PVT1: variants seen among roughly 807,000 people sequenced by gnomAD.
PVT1 encodes Pvt1 oncogene.
chr8:127,990,731 C>T (rs1252669274), intron 4 of PVT1, among the ~76,000 whole-genome samples: 1 of 152,224 alleles, frequency 6.6e-6, no homozygotes, highest in African/African-American at 2.4e-5. Flanking sequence ...ATTTGCGTTT[C>T]AAATCTGCTG....
At chr8:127,878,189 A>G (rs973834814) in intron 2 of PVT1, among the ~76,000 whole-genome samples, 2 of 152,170 alleles carry the variant, frequency 1.3e-5, no homozygotes, top group African/African-American at 4.8e-5. Context: ...ATTGAAAAAA[A>G]AAACCCCACA....
intron 3 of PVT1, among the ~76,000 whole-genome samples, chr8:127,944,031 T>G (rs966655099): frequency 6.6e-6 from 1 of 152,214 alleles, no homozygotes; most frequent in Non-Finnish European, 1.5e-5. Flanking sequence ...ATAGGGGTTA[T>G]ATTTATGAAT....
intron 4 of PVT1, among the ~76,000 whole-genome samples, chr8:128,045,272 C>G (rs1017134881): frequency 6.6e-6 from 1 of 152,110 alleles, no homozygotes; most frequent in African/African-American, 2.4e-5. Flanking sequence ...CTCCTTGACT[C>G]CTCCCTTCTC....
chr8:128,008,790 T>G, intron 4 of PVT1: 1 of 386,158 alleles, frequency 2.6e-6, no homozygotes, highest in Non-Finnish European at 5.7e-6. Context: ...TTCTGCCCAC[T>G]CAGCTGATGA....
intron 2 of PVT1, among the ~76,000 whole-genome samples, chr8:127,839,295 C>G (rs561355942): frequency 3.9e-5 from 6 of 152,098 alleles, no homozygotes; most frequent in South Asian, 4.2e-4. Context: ...GCCTGTAATT[C>G]CAGCACTTTG....
chr8:127,859,861 C>T (rs780206360), intron 2 of PVT1, among the ~76,000 whole-genome samples: 1 of 151,778 alleles, frequency 6.6e-6, no homozygotes, highest in African/African-American at 2.4e-5. Context: ...GGCCCTTGGC[C>T]GTCATTTGTT....
At chr8:128,097,364 A>G (rs932064418) in intron 6 of PVT1, among the ~76,000 whole-genome samples, 1 of 152,114 alleles carries the variant, frequency 6.6e-6, no homozygotes, top group Non-Finnish European at 1.5e-5. Context: ...TACTTCTCAA[A>G]ACAAACAAAC....
chr8:127,961,549 GTAAGTGAGGGCTGTGCC>G (rs1236268916), intron 3 of PVT1, among the ~76,000 whole-genome samples: 1 of 152,188 alleles, frequency 6.6e-6, no homozygotes, highest in Non-Finnish European at 1.5e-5. Flanking sequence ...AGCATCTAAG[GTAAGTGAGGGCTGTGCC>G]CAAGACTGCA....
At chr8:127,885,562 T>C (rs966328793) in intron 2 of PVT1, among the ~76,000 whole-genome samples, 8 of 152,168 alleles carry the variant, frequency 5.3e-5, no homozygotes, top group African/African-American at 1.9e-4. Context: ...ATAAGGGCAC[T>C]AAGCCCTCCA....
chr8:127,891,432 CAT>C (rs1815601072), intron 3 of PVT1, among the ~76,000 whole-genome samples: 1 of 152,156 alleles, frequency 6.6e-6, no homozygotes, highest in Non-Finnish European at 1.5e-5. Flanking sequence ...AACATAAGGC[CAT>C]ATGGCTGGTG....
At chr8:127,942,912 T>G (rs529096231) in intron 3 of PVT1, among the ~76,000 whole-genome samples, 1 of 152,346 alleles carries the variant, frequency 6.6e-6, no homozygotes, top group Non-Finnish European at 1.5e-5. Context: ...TCATTTTAAC[T>G]GTGATTATTA....
chr8:128,095,852 T>C (rs569834756), intron 5 of PVT1, among the ~76,000 whole-genome samples: 3 of 152,256 alleles, frequency 2.0e-5, no homozygotes, highest in African/African-American at 4.8e-5. Context: ...AAGATACTTA[T>C]GGAGACTTTT....
intron 3 of PVT1, among the ~76,000 whole-genome samples, chr8:127,978,680 T>A (rs1219912462): frequency 6.6e-6 from 1 of 152,114 alleles, no homozygotes; most frequent in Non-Finnish European, 1.5e-5. Context: ...GAGATGAGGT[T>A]TCACCATATT....
intron 3 of PVT1, among the ~76,000 whole-genome samples, chr8:127,899,604 C>T (rs1043897134): frequency 9.2e-5 from 14 of 152,188 alleles, no homozygotes; most frequent in Admixed American, 7.9e-4. Flanking sequence ...TGCATTTCAT[C>T]CACAGAGACA....
At chr8:128,041,288 GTA>G (rs1813533608) in intron 4 of PVT1, among the ~76,000 whole-genome samples, 1 of 134,972 alleles carries the variant, frequency 7.4e-6, no homozygotes, top group East Asian at 2.4e-4. Flanking sequence ...GTTTATGCTT[GTA>G]TGTTTGTGTT....
At chr8:127,930,897 T>TA (rs1385858778) in intron 3 of PVT1, among the ~76,000 whole-genome samples, 2 of 152,108 alleles carry the variant, frequency 1.3e-5, no homozygotes, top group African/African-American at 4.8e-5. Context: ...TCCAGCAAGA[T>TA]ATTGATGGGG....
intron 2 of PVT1, among the ~76,000 whole-genome samples, chr8:127,847,957 G>C (rs1480603738): frequency 6.6e-6 from 1 of 152,084 alleles, no homozygotes; most frequent in Non-Finnish European, 1.5e-5. Context: ...AGGCTGGAGT[G>C]CAGTGGTGTG....
intron 3 of PVT1, among the ~76,000 whole-genome samples, chr8:127,896,775 C>G (rs921894374): frequency 7.1e-5 from 8 of 112,432 alleles, no homozygotes; most frequent in Admixed American, 8.4e-5. Context: ...TGCCTTTCCT[C>G]CCCCCCCCCG....
At chr8:128,016,281 A>C (rs1173969983) in intron 4 of PVT1, among the ~76,000 whole-genome samples, 1 of 151,996 alleles carries the variant, frequency 6.6e-6, no homozygotes, top group African/African-American at 2.4e-5. Flanking sequence ...TGTCTCAAAA[A>C]AAAAAAAAGG....
Sources: gnomAD v4.1 joint callset for allele counts (sites outside exome capture counted in the v4.1 genomes callset) on GRCh38, gnomAD v4.1.1 for gene constraint, MANE v1.5 for transcripts, NCBI Gene and HGNC (gene_info 2026-07-23, HGNC 2026-07-21) for gene names.